The following EPSTI1 variants were observed in gnomAD, a reference collection of about 807,000 sequenced individuals.
EPSTI1 encodes the protein epithelial stromal interaction 1.
Under a neutral mutation model 49.9 loss-of-function variants are expected in EPSTI1, and 66 were observed. The observed-to-expected ratio is 1.32, with a 90% CI of 1.08 to 1.62. The LOEUF (loss-of-function observed/expected upper bound fraction) is 1.62. EPSTI1 is among the 40% of genes most tolerant of loss of function. The pLI, the probability that EPSTI1 is intolerant of heterozygous loss-of-function variation, is 0.00. For synonymous variants in EPSTI1, 137 were observed against 130.7 expected, an observed-to-expected ratio of 1.05 and a Z score of -0.33; for missense variants, 394 against 365.5, an observed-to-expected ratio of 1.08 and a Z score of -0.64.
intron 9 of EPSTI1, among the ~76,000 whole-genome samples, chr13:42,899,435 T>C (rs890524819): frequency 2.0e-5 from 3 of 152,058 alleles, no homozygotes; most frequent in Non-Finnish European, 4.4e-5. Flanking sequence ...CATAGTTCAG[T>C]CAAATAAAAG....
Position 42,958,925 on chromosome 13 carries a change from T to G in EPSTI1, c.489+4330A>C, listed in dbSNP as rs148190222. ...AGCAACTTCATTCATGTGGGTTTAG[T>G]AGAAATGAAATAATTGAACCCATCC... On this transcript the variant is annotated intron_variant, in intron 5 of 10. Transcript: ENST00000313624. Among the ~76,000 whole-genome samples the G allele has an allele frequency of 4.8e-3, 730 of 152,318 alleles. 7 individuals are homozygous for G. Among genetic ancestry groups the G allele is most frequent in the African/African-American group, 0.016 (670 of 41,574 alleles).
chr13:42,974,980 T>A (rs1395529904), intron 1 of EPSTI1, among the ~76,000 whole-genome samples: 1 of 152,098 alleles, frequency 6.6e-6, no homozygotes, highest in Non-Finnish European at 1.5e-5. Flanking sequence ...ATAGTAGACA[T>A]GTAAAGTCTA....
chr13:42,956,381 A>G (rs936403560), intron 5 of EPSTI1, among the ~76,000 whole-genome samples: 1 of 152,152 alleles, frequency 6.6e-6, no homozygotes, highest in African/African-American at 2.4e-5. Flanking sequence ...CTCTAATGAG[A>G]GAGAGAAATT....
At chr13:42,954,887 G>A (rs1392876665) in intron 5 of EPSTI1, among the ~76,000 whole-genome samples, 1 of 152,140 alleles carries the variant, frequency 6.6e-6, no homozygotes, top group African/African-American at 2.4e-5. Flanking sequence ...CCCAGAAGAG[G>A]ACCAGTGAAA....
intron 8 of EPSTI1, among the ~76,000 whole-genome samples, chr13:42,906,183 G>C (rs889384037): frequency 1.3e-5 from 2 of 152,164 alleles, no homozygotes; most frequent in Non-Finnish European, 2.9e-5. Flanking sequence ...TAAGAAGAGG[G>C]GTTGCCATTT....
At chr13:42,968,954 A>ACACACACACACACACACACACACAG in intron 3 of EPSTI1, 140 bp downstream of exon 3, 1 of 539,444 alleles carries the variant, frequency 1.9e-6, no homozygotes, top group East Asian at 3.4e-5. Flanking sequence ...ACACACACAC[A>ACACACACACACACACACACACACAG]ATTAAATGCA....
chr13:42,983,393 G>A (rs1977274), intron 1 of EPSTI1, among the ~76,000 whole-genome samples: 74,493 of 151,606 alleles, frequency 0.49, 18,919 homozygotes, highest in South Asian at 0.61. Flanking sequence ...GTGAAACCAC[G>A]TCTCTACTAA....
At position 42,922,325 on chromosome 13, in the gene EPSTI1, C is replaced by G. The variant is rs1318715611; in HGVS notation, c.657+4011G>C. 6.6e-6 allele frequency among the ~76,000 whole-genome samples: 1 copy of G among 152,096 alleles called. No homozygotes were observed. Among genetic ancestry groups the G allele is most frequent in the Non-Finnish European group, 1.5e-5 (1 of 68,034 alleles). ...AAGGGACTTTGCAGAAATTAAGGAT[C>G]TGGAAGTGGAGAGATTAGCCTGGAT... On this transcript the variant is annotated intron_variant, in intron 7 of 10. Transcript: ENST00000313624. The surrounding 1 kb of genome is among the most constrained non-coding windows in gnomAD (Gnocchi z 4.8).
At chr13:42,949,545 T>C (rs2039030022) in intron 6 of EPSTI1, among the ~76,000 whole-genome samples, 1 of 150,426 alleles carries the variant, frequency 6.6e-6, no homozygotes, top group East Asian at 1.9e-4. Flanking sequence ...TGAGCTGAGA[T>C]TGAGCCACTG....
intron 8 of EPSTI1, among the ~76,000 whole-genome samples, chr13:42,901,068 C>T (rs192162488): frequency 2.0e-5 from 3 of 152,218 alleles, no homozygotes; most frequent in Admixed American, 2.0e-4. Context: ...GAACCAATCC[C>T]AGGATTTCTC....
At chr13:42,920,852 G>GAT (rs145680091) in intron 7 of EPSTI1, among the ~76,000 whole-genome samples, 4,967 of 152,040 alleles carry the variant, frequency 0.033, 290 homozygotes, top group African/African-American at 0.11. Context: ...AGTAAGAAGT[G>GAT]ATATATATAT....
chr13:42,889,824 T>C (rs2036975425), intron 10 of EPSTI1, among the ~76,000 whole-genome samples: 1 of 152,198 alleles, frequency 6.6e-6, no homozygotes, highest in Non-Finnish European at 1.5e-5. Flanking sequence ...GTTTATACCT[T>C]GGGTCTTACA....
chr13:42,960,137 G>A (rs968443972), intron 5 of EPSTI1, among the ~76,000 whole-genome samples: 7 of 152,142 alleles, frequency 4.6e-5, no homozygotes, highest in African/African-American at 9.7e-5. Flanking sequence ...CTAAAGGATG[G>A]CTGTATCTGG....
chr13:42,950,058 A>G (rs569816656), intron 6 of EPSTI1, among the ~76,000 whole-genome samples: 30 of 152,368 alleles, frequency 2.0e-4, no homozygotes, highest in African/African-American at 6.5e-4. Flanking sequence ...ATAATTACAG[A>G]GACTAAAAAT....
At chr13:42,991,518 C>G (rs1194460793) in intron 1 of EPSTI1, among the ~76,000 whole-genome samples, 1 of 152,220 alleles carries the variant, frequency 6.6e-6, no homozygotes, top group African/African-American at 2.4e-5. Flanking sequence ...CTCCTGACCT[C>G]AGGTGATCTG....
chr13:42,906,038 T>C (rs2037489274), intron 8 of EPSTI1, among the ~76,000 whole-genome samples: 1 of 152,178 alleles, frequency 6.6e-6, no homozygotes, highest in South Asian at 2.1e-4. Context: ...CCAAGTGGTA[T>C]GTGGTAAATG....
At chr13:42,908,118 G>A (rs1157556541) in intron 8 of EPSTI1, among the ~76,000 whole-genome samples, 3 of 152,180 alleles carry the variant, frequency 2.0e-5, no homozygotes, top group African/African-American at 4.8e-5. Flanking sequence ...CACAAAAGGC[G>A]TTAAAAAATA....
chr13:42,905,720 T>C (rs979959095), intron 8 of EPSTI1, among the ~76,000 whole-genome samples: 2 of 152,096 alleles, frequency 1.3e-5, no homozygotes, highest in African/African-American at 2.4e-5. Flanking sequence ...GGTACAGATA[T>C]CAGCACAGCT....
At chr13:42,989,230 T>C (rs1348950950) in intron 1 of EPSTI1, among the ~76,000 whole-genome samples, 1 of 152,060 alleles carries the variant, frequency 6.6e-6, no homozygotes, top group Non-Finnish European at 1.5e-5. Flanking sequence ...GGTGACAGCA[T>C]AGTACTTTAC....
Sources: allele counts gnomAD v4.1 joint callset (sites outside exome capture counted in the v4.1 genomes callset), GRCh38; gene constraint gnomAD v4.1.1; non-coding constraint Gnocchi (gnomAD v3.1); transcripts MANE v1.5; gene names NCBI Gene and HGNC (gene_info 2026-07-23, HGNC 2026-07-21).